Variants in LSAMP observed in about 807,000 individuals in gnomAD.
The protein encoded by LSAMP is limbic system-associated membrane protein.
LSAMP carries 7 observed loss-of-function variants against 38.6 expected under a neutral mutation model. The observed-to-expected ratio is 0.18, with a 90% confidence interval of 0.10 to 0.34. The LOEUF is 0.34. LSAMP is among the 10% of genes least tolerant of loss of function. The pLI, the probability that LSAMP is intolerant of heterozygous loss-of-function variation, is 1.00. For synonymous variants in LSAMP, 154 were observed against 166.8 expected, an observed-to-expected ratio of 0.92 and a Z score of 0.59; for missense variants, 313 against 420.0, an observed-to-expected ratio of 0.75 and a Z score of 2.23.
chr3:116,380,484 T>C (rs971609875), intron 1 of LSAMP, among the ~76,000 whole-genome samples: 4 of 151,910 alleles, frequency 2.6e-5, no homozygotes, highest in African/African-American at 9.7e-5. Flanking sequence ...CCATAATCTC[T>C]ACCCATTGTT....
intron 1 of LSAMP, among the ~76,000 whole-genome samples, chr3:116,224,658 C>A (rs570398150): frequency 6.6e-6 from 1 of 152,118 alleles, no homozygotes; most frequent in Non-Finnish European, 1.5e-5. Flanking sequence ...TAACACATGA[C>A]AAAAATTTAG....
chr3:115,857,681 A>G lies in LSAMP; in HGVS notation c.515-5064T>C, dbSNP rs111329989. 5.1e-3 allele frequency among the ~76,000 whole-genome samples: 774 copies of G among 152,318 alleles called. 7 individuals are homozygous for G. The highest frequency in any genetic ancestry group is 0.017 in the African/African-American group (688 of 41,570). On this transcript the variant is annotated intron_variant, in intron 3 of 6. Transcript: ENST00000490035. ...TTAATGTGTTTTTGTGTCTCCTGGCAATATTCAGCTACCAGGCTAAATAAC... is the reference window on the plus strand; with the variant it reads ...TTAATGTGTTTTTGTGTCTCCTGGCGATATTCAGCTACCAGGCTAAATAAC...
chr3:115,883,278 G>C (rs779014949), intron 3 of LSAMP, among the ~76,000 whole-genome samples: 17 of 151,972 alleles, frequency 1.1e-4, no homozygotes, highest in Non-Finnish European at 1.9e-4. Context: ...GTGACTAAAA[G>C]GGATAGGAAG....
At chr3:116,097,316 A>G (rs1343366602) in intron 1 of LSAMP, among the ~76,000 whole-genome samples, 1 of 152,238 alleles carries the variant, frequency 6.6e-6, no homozygotes, top group Non-Finnish European at 1.5e-5. Context: ...TCCACAATGC[A>G]CTTAGGATGA....
At chr3:116,054,790 A>G (rs1166614245) in intron 2 of LSAMP, among the ~76,000 whole-genome samples, 1 of 152,192 alleles carries the variant, frequency 6.6e-6, no homozygotes, top group African/African-American at 2.4e-5. Context: ...ACGGTCTGAC[A>G]TTTACAGTCA....
chr3:116,284,126 C>A (rs965082235), intron 1 of LSAMP, among the ~76,000 whole-genome samples: 1 of 152,044 alleles, frequency 6.6e-6, no homozygotes, highest in African/African-American at 2.4e-5. Context: ...AAAATATTTT[C>A]ATAGTTTATG....
chr3:116,158,941 CAAAACAA>C, intron 1 of LSAMP, among the ~76,000 whole-genome samples: 1 of 151,838 alleles, frequency 6.6e-6, no homozygotes, highest in South Asian at 2.1e-4. Context: ...CAAAACAAAA[CAAAACAA>C]AAAACAAAGC....
At chr3:116,116,022 T>C (rs1708735708) in intron 1 of LSAMP, among the ~76,000 whole-genome samples, 1 of 151,708 alleles carries the variant, frequency 6.6e-6, no homozygotes, top group African/African-American at 2.4e-5. Context: ...CCTCTCATTT[T>C]TTTTTTCTTT....
intron 1 of LSAMP, among the ~76,000 whole-genome samples, chr3:116,315,663 G>GT (rs1351198686): frequency 6.6e-6 from 1 of 152,138 alleles, no homozygotes; most frequent in Non-Finnish European, 1.5e-5. Context: ...TGTCTGCTAT[G>GT]TTTTAAGGAC....
intron 3 of LSAMP, among the ~76,000 whole-genome samples, chr3:115,977,884 C>G (rs1939237693): frequency 6.6e-6 from 1 of 152,116 alleles, no homozygotes; most frequent in African/African-American, 2.4e-5. Context: ...CTTTATGGCA[C>G]TGAAGAACTG....
intron 3 of LSAMP, among the ~76,000 whole-genome samples, chr3:115,959,812 A>C (rs528195605): frequency 2.0e-5 from 3 of 152,238 alleles, no homozygotes; most frequent in African/African-American, 7.2e-5. Flanking sequence ...TTTTGCTATT[A>C]TTGTTAGATC....
chr3:115,998,813 C>T (rs1939902804), intron 3 of LSAMP, among the ~76,000 whole-genome samples: 1 of 152,060 alleles, frequency 6.6e-6, no homozygotes, highest in Non-Finnish European at 1.5e-5. Context: ...TCCCATCTCC[C>T]GCCCGTGTTC....
chr3:116,265,177 T>C (rs1016885320), intron 1 of LSAMP, among the ~76,000 whole-genome samples: 32 of 152,206 alleles, frequency 2.1e-4, no homozygotes, highest in Non-Finnish European at 4.6e-4. Context: ...ATTCTTCTTA[T>C]GTCACAACAT....
At chr3:116,385,005 T>C (rs1193309194) in intron 1 of LSAMP, among the ~76,000 whole-genome samples, 3 of 151,798 alleles carry the variant, frequency 2.0e-5, no homozygotes, top group East Asian at 3.9e-4. Flanking sequence ...AGCTGGATTA[T>C]AGGACAAGCA....
chr3:116,355,873 G>A (rs1439391305), intron 1 of LSAMP, among the ~76,000 whole-genome samples: 1 of 152,140 alleles, frequency 6.6e-6, no homozygotes, highest in African/African-American at 2.4e-5. Context: ...AAACTACAAT[G>A]AGATATCATT....
intron 1 of LSAMP, among the ~76,000 whole-genome samples, chr3:116,357,875 A>G (rs1203240743): frequency 6.6e-6 from 1 of 152,052 alleles, no homozygotes; most frequent in Non-Finnish European, 1.5e-5. Flanking sequence ...GGAAAACAAT[A>G]AAACTGACTT....
At chr3:115,959,648 T>C (rs1938562981) in intron 3 of LSAMP, among the ~76,000 whole-genome samples, 1 of 152,176 alleles carries the variant, frequency 6.6e-6, no homozygotes. Context: ...GTGCTTCAGT[T>C]TCCCTATCTA....
At chr3:116,155,912 C>T (rs1480719047) in intron 1 of LSAMP, among the ~76,000 whole-genome samples, 2 of 152,120 alleles carry the variant, frequency 1.3e-5, no homozygotes, top group African/African-American at 4.8e-5. Flanking sequence ...AATTGCAAAA[C>T]TGTTTGCTGT....
chr3:116,311,078 T>C (rs1354582541), intron 1 of LSAMP, among the ~76,000 whole-genome samples: 3 of 152,090 alleles, frequency 2.0e-5, no homozygotes, highest in African/African-American at 4.8e-5. Context: ...GGGTTGAGGA[T>C]CATCACTTAC....
Sources: allele counts gnomAD v4.1 joint callset (sites outside exome capture counted in the v4.1 genomes callset), GRCh38; gene constraint gnomAD v4.1.1; transcripts MANE v1.5; gene names NCBI Gene and HGNC (gene_info 2026-07-23, HGNC 2026-07-21).